The following MCTP2 variants were observed in gnomAD, a reference collection of about 807,000 sequenced individuals.
MCTP2 encodes the protein multiple C2 and transmembrane domain containing 2.
MCTP2 carries 132 observed loss-of-function variants against 111.6 expected under a neutral mutation model. That is an observed-to-expected ratio of 1.18 (90% confidence interval 1.03 to 1.37). The LOEUF (loss-of-function observed/expected upper bound fraction) is 1.37, where lower values mean the gene tolerates loss of function less well. Ranked by LOEUF, MCTP2 falls within the 40% of genes most tolerant of loss-of-function variation. MCTP2 has a pLI of 0.00. For missense variants in MCTP2, 1,183 were observed against 1,067.9 expected (o/e 1.11, Z -1.50); for synonymous variants, 395 against 387.7 (o/e 1.02, Z -0.22).
At chr15:94,238,481 G>C (rs2070716447) in intron 1 of MCTP2, among the ~76,000 whole-genome samples, 2 of 151,866 alleles carry the variant, frequency 1.3e-5, no homozygotes, top group African/African-American at 4.8e-5. Context: ...CAAGTAGAAG[G>C]CTTTTTTAAA....
At chr15:94,361,084 G>GTTTTTTTT (rs67774490) in intron 10 of MCTP2, among the ~76,000 whole-genome samples, 2 of 8,416 alleles carry the variant, frequency 2.4e-4, no homozygotes, top group African/African-American at 6.2e-4. Flanking sequence ...AATATTTCAA[G>GTTTTTTTT]TTTTTTTTTT....
intron 4 of MCTP2, among the ~76,000 whole-genome samples, chr15:94,324,417 A>G (rs2076765036): frequency 2.6e-5 from 4 of 152,126 alleles, no homozygotes; most frequent in Admixed American, 2.0e-4. Flanking sequence ...TCTTGTGGCC[A>G]CTCTGTAGCG....
At chr15:94,336,759 A>C (rs1362797191) in intron 4 of MCTP2, among the ~76,000 whole-genome samples, 1 of 151,916 alleles carries the variant, frequency 6.6e-6, no homozygotes, top group African/African-American at 2.4e-5. Context: ...ATATATATAC[A>C]CATATATATG....
Position 94,356,164 on chromosome 15 carries a change from T to A in MCTP2, c.1033T>A (p.Ser345Thr). The A allele has an allele frequency of 6.2e-7, 1 of 1,611,774 alleles. No individual in the cohort carries two copies. The highest frequency in any genetic ancestry group is 8.5e-7 in the Non-Finnish European group (1 of 1,178,938). ...KSSLIRNLRL[S>T]ESLKKNQLWN... Reference sequence around the variant, plus strand: ...CTCTTTGATACGCAACCTACGGCTCTCTGAGTCCTTGAAAAAGAACCAACT... The same window carrying A: ...CTCTTTGATACGCAACCTACGGCTCACTGAGTCCTTGAAAAAGAACCAACT... The change falls in exon 9 of 23, where the codon TCT becomes ACT. Residue 345 changes from serine (S) to threonine (T), a missense_variant. Coordinates refer to ENST00000357742, the MANE Select transcript of MCTP2 (RefSeq NM_001385001.1).
In MCTP2 at chr15:94,399,059, T is replaced by C. The variant is rs2081421303; in HGVS notation, c.1887T>C (p.Asn629=). The change falls in exon 15 of 23, where the codon AAT becomes AAC. Residue 629 remains asparagine (N), a synonymous_variant. Transcript: ENST00000357742. ...VIYLEMDLIY[N]PVKASIRTFT... The stretch of plus-strand genomic sequence containing the variant: ...ACTTAGAGATGGACCTTATATATAA[T>C]CCGGTAAGTCTAGCTGGGTCATACT... The C allele has an allele frequency of 4.8e-6, 7 of 1,460,692 alleles. No homozygotes were observed. The highest frequency in any genetic ancestry group is 6.7e-6 in the Non-Finnish European group (7 of 1,041,068). The allele number at this position is 1,460,692 out of a possible 1,614,324, so 90.5% of individuals were successfully genotyped here. A position where few individuals can be genotyped will look rare whatever the true frequency, so the allele number is the denominator to read the frequency against.
At chr15:94,470,909 G>A (rs2073872929) in intron 21 of MCTP2, among the ~76,000 whole-genome samples, 3 of 152,200 alleles carry the variant, frequency 2.0e-5, no homozygotes, top group Non-Finnish European at 4.4e-5. Context: ...TCCAGAAGCA[G>A]GGAGAGGGAG....
chr15:94,391,311 G>A (rs1263477285), intron 14 of MCTP2, among the ~76,000 whole-genome samples: 1 of 151,996 alleles, frequency 6.6e-6, no homozygotes, highest in African/African-American at 2.4e-5. Context: ...ACCTGTGATG[G>A]GTTTGTGCTT....
At chr15:94,254,669 A>C (rs189422795) in intron 1 of MCTP2, among the ~76,000 whole-genome samples, 1 of 152,342 alleles carries the variant, frequency 6.6e-6, no homozygotes, top group African/African-American at 2.4e-5. Context: ...CAACTCAGCT[A>C]TCTAACGCTT....
chr15:94,290,905 C>G (rs1207564970), intron 1 of MCTP2, among the ~76,000 whole-genome samples: 1 of 152,106 alleles, frequency 6.6e-6, no homozygotes, highest in African/African-American at 2.4e-5. Context: ...AATACAGAAG[C>G]AAAAACTGAT....
chr15:94,459,999 A>G (rs139031020), intron 20 of MCTP2, among the ~76,000 whole-genome samples: 12 of 152,360 alleles, frequency 7.9e-5, no homozygotes, highest in Non-Finnish European at 1.5e-4. Context: ...TTAAATTTGT[A>G]GTCCAAGATC....
At chr15:94,449,427 C>G (rs996273860) in intron 19 of MCTP2, among the ~76,000 whole-genome samples, 25 of 152,212 alleles carry the variant, frequency 1.6e-4, no homozygotes, top group Non-Finnish European at 4.4e-5. Context: ...CCCATCTCTT[C>G]TGGTCTAAAT....
intron 2 of MCTP2, 47 bp from the exon 3 acceptor site, chr15:94,314,235 A>AT: frequency 7.4e-7 from 1 of 1,348,698 alleles, no homozygotes; most frequent in Non-Finnish European, 1.1e-6. Context: ...CTGAGTTGGT[A>AT]TTAATTTGCT....
intron 17 of MCTP2, among the ~76,000 whole-genome samples, chr15:94,404,056 A>G (rs939548007): frequency 6.6e-6 from 1 of 152,218 alleles, no homozygotes; most frequent in Non-Finnish European, 1.5e-5. Flanking sequence ...TTAAAACTCT[A>G]CTTCCAAAAA....
chr15:94,236,377 C>CTTTTTTTTTTTTT (rs71132992), intron 1 of MCTP2, among the ~76,000 whole-genome samples: 801 of 72,480 alleles, frequency 0.011, 51 homozygotes, highest in Non-Finnish European at 0.013. Flanking sequence ...TCTTTTTTTT[C>CTTTTTTTTTTTTT]TTTTTTTTTT....
intron 14 of MCTP2, 25 bp from the exon 15 acceptor site, chr15:94,398,936 G>A (rs762461122): frequency 3.6e-6 from 5 of 1,388,242 alleles, no homozygotes; most frequent in Non-Finnish European, 5.1e-6. Flanking sequence ...GCACCAATGT[G>A]TATTTTGTCT....
chr15:94,279,973 C>T (rs923807896), intron 1 of MCTP2, among the ~76,000 whole-genome samples: 1 of 152,068 alleles, frequency 6.6e-6, no homozygotes, highest in Non-Finnish European at 1.5e-5. Flanking sequence ...GGTGGCTTAG[C>T]TTTTTGATGT....
At chr15:94,395,336 A>G (rs974423579) in intron 14 of MCTP2, among the ~76,000 whole-genome samples, 1 of 152,208 alleles carries the variant, frequency 6.6e-6, no homozygotes, top group Non-Finnish European at 1.5e-5. Context: ...TCTAACTGGA[A>G]GGTCAAACAA....
rs1179258000 is a variant in MCTP2 at position 94,269,262 on chromosome 15, G to A, written c.-65-28939G>A. Among the ~76,000 whole-genome samples, 4 of 152,264 alleles carry A rather than the reference G, an allele frequency of 2.6e-5. No individual in the cohort carries two copies. In the East Asian group the frequency reaches 5.8e-4, roughly 22 times the overall value. On this transcript the variant is annotated intron_variant, in intron 1 of 22. Transcript: ENST00000357742. Reference sequence around the variant, plus strand: ...AATCATGAGTTACACAAATCATATAGATTTATTCTTAAAATGTTGATTATT... The same window carrying A: ...AATCATGAGTTACACAAATCATATAAATTTATTCTTAAAATGTTGATTATT...
At chr15:94,244,648 G>A (rs560469548) in intron 1 of MCTP2, among the ~76,000 whole-genome samples, 21 of 144,750 alleles carry the variant, frequency 1.5e-4, no homozygotes, top group African/African-American at 4.2e-4. Context: ...GTTTATAAAC[G>A]TATATGTATA....
Sources: allele counts gnomAD v4.1 joint callset (sites outside exome capture counted in the v4.1 genomes callset), GRCh38; gene constraint gnomAD v4.1.1; transcripts MANE v1.5; gene names NCBI Gene and HGNC (gene_info 2026-07-23, HGNC 2026-07-21).